KCNQ4: variants seen among roughly 807,000 people sequenced by gnomAD.
KCNQ4 encodes the protein potassium voltage-gated channel subfamily KQT member 4.
KCNQ4 carries 31 observed loss-of-function variants against 72.6 expected under a neutral mutation model. The observed-to-expected ratio is 0.43, with a 90% CI of 0.32 to 0.58. The LOEUF is 0.58. KCNQ4 is among the 20% of genes least tolerant of loss of function. The pLI is 0.08. For missense variants in KCNQ4, 869 were observed against 962.6 expected (o/e 0.90, Z 1.29); for synonymous variants, 405 against 403.7 (o/e 1.00, Z -0.04).
At chr1:40,838,237 G>T (rs1458410185) in intron 13 of KCNQ4, 74 bp from the exon 14 acceptor site, 1 of 1,314,590 alleles carries the variant, frequency 7.6e-7, no homozygotes, top group African/African-American at 1.5e-5. Context: ...GGTCCGCCCC[G>T]AGACCCAAGC....
At chr1:40,815,725 G>A (rs752668301) in intron 1 of KCNQ4, among the ~76,000 whole-genome samples, 4 of 151,974 alleles carry the variant, frequency 2.6e-5, no homozygotes, top group Non-Finnish European at 4.4e-5. Flanking sequence ...AAAAGGTCAG[G>A]AACCCCTGTC....
In KCNQ4 at chr1:40,838,647, G is replaced by C. The variant is rs747443467; in HGVS notation, c.*124G>C. The C allele has an allele frequency of 8.9e-6, 8 of 899,072 alleles. No homozygotes were observed. Among genetic ancestry groups the C allele is most frequent in the Non-Finnish European group, 1.1e-5 (6 of 556,792 alleles). 55.7% of individuals were successfully genotyped at this position (899,072 alleles called of 1,614,324 possible). On this transcript the variant is annotated 3_prime_UTR_variant, in exon 14 of 14. Transcript: ENST00000347132. ...TCCCTCACGGGGAGAGAGACCACAC[G>C]CAGTATTGAGCTGCCTGAGTGGGCG... is the stretch of plus-strand genomic sequence containing the variant.
chr1:40,818,395 C>T, intron 3 of KCNQ4, 105 bp downstream of exon 3: 2 of 1,567,380 alleles, frequency 1.3e-6, no homozygotes, highest in Non-Finnish European at 1.7e-6. Flanking sequence ...ACAGATTCAG[C>T]GGACCCTCCC....
At chr1:40,835,946 G>C (rs1038567323) in intron 12 of KCNQ4, among the ~76,000 whole-genome samples, 1 of 151,918 alleles carries the variant, frequency 6.6e-6, no homozygotes, top group Admixed American at 6.5e-5. Flanking sequence ...GAGGGCTAAC[G>C]GCACTCAGAG....
chr1:40,812,839 G>A (rs1394936121), intron 1 of KCNQ4, among the ~76,000 whole-genome samples: 1 of 152,168 alleles, frequency 6.6e-6, no homozygotes, highest in Non-Finnish European at 1.5e-5. Context: ...TTGATGTTTG[G>A]TTACAGTGAA....
intron 1 of KCNQ4, among the ~76,000 whole-genome samples, chr1:40,789,067 C>T (rs1451996681): frequency 6.6e-6 from 1 of 152,248 alleles, no homozygotes; most frequent in Admixed American, 6.5e-5. Context: ...TTTTGGCCTT[C>T]ACCTATACAC....
chr1:40,808,781 TCTC>T (rs71744718), intron 1 of KCNQ4, among the ~76,000 whole-genome samples: 2,996 of 152,192 alleles, frequency 0.02, 89 homozygotes, highest in African/African-American at 0.069. Context: ...ATCTTCAACT[TCTC>T]CTTCTTGATC....
chr1:40,838,023 A>G (rs1015046708), intron 13 of KCNQ4, among the ~76,000 whole-genome samples: 5 of 147,594 alleles, frequency 3.4e-5, no homozygotes, highest in African/African-American at 1.3e-4. Context: ...TAACCTTCAG[A>G]TAAGCCTACC....
intron 9 of KCNQ4, among the ~76,000 whole-genome samples, chr1:40,829,668 T>G (rs761748951): frequency 6.6e-6 from 1 of 151,832 alleles, no homozygotes; most frequent in African/African-American, 2.4e-5. Context: ...CCTCTGAGAG[T>G]AGGTGACACG....
At chr1:40,790,175 T>G (rs1647250943) in intron 1 of KCNQ4, among the ~76,000 whole-genome samples, 2 of 152,244 alleles carry the variant, frequency 1.3e-5, no homozygotes, top group African/African-American at 4.8e-5. Context: ...CAGTCGTGTG[T>G]CCTTGGGCAA....
chr1:40,834,014 A>C (rs1243600764), intron 11 of KCNQ4, among the ~76,000 whole-genome samples: 1 of 151,926 alleles, frequency 6.6e-6, no homozygotes, highest in East Asian at 1.9e-4. Flanking sequence ...GTCTCTAAAT[A>C]GATAAATAGA....
In KCNQ4 at chr1:40,819,415, T is replaced by G. The variant is rs4660468; in HGVS notation, c.777T>G (p.Ala259=). ...LIFASFLVYL[A]EKDANSDFSS... ...TCGCCTCCTTCCTGGTCTACCTGGCTGAGAAGGACGCCAACTCCGACTTCT... is the reference window on the plus strand; with the variant it reads ...TCGCCTCCTTCCTGGTCTACCTGGCGGAGAAGGACGCCAACTCCGACTTCT... Residue 259 remains alanine, a synonymous_variant, in exon 5 of 14, where the codon GCT becomes GCG. Transcript: ENST00000347132. 2 of 1,613,508 alleles carry G rather than the reference T, an allele frequency of 1.2e-6. No homozygotes were observed. The highest frequency in any genetic ancestry group is 4.5e-5 in the East Asian group (2 of 44,826).
intron 1 of KCNQ4, among the ~76,000 whole-genome samples, chr1:40,799,894 C>T (rs181078488): frequency 3.7e-4 from 56 of 152,302 alleles, no homozygotes; most frequent in African/African-American, 1.3e-3. Flanking sequence ...TTGAATGACA[C>T]CTGATACAGA....
intron 12 of KCNQ4, among the ~76,000 whole-genome samples, chr1:40,837,311 C>T (rs140803422): frequency 9.8e-5 from 15 of 152,290 alleles, no homozygotes; most frequent in African/African-American, 2.6e-4. Context: ...AAGTCTGTCT[C>T]GAATTCCTGG....
At chr1:40,789,576 C>A (rs1169511881) in intron 1 of KCNQ4, among the ~76,000 whole-genome samples, 3 of 152,116 alleles carry the variant, frequency 2.0e-5, no homozygotes, top group Non-Finnish European at 4.4e-5. Context: ...TCCTTTGCCT[C>A]CTTCTTCTGA....
At chr1:40,835,921 TAGG>T (rs1648794418) in intron 12 of KCNQ4, among the ~76,000 whole-genome samples, 1 of 151,104 alleles carries the variant, frequency 6.6e-6, no homozygotes, top group Admixed American at 6.6e-5. Flanking sequence ...GAGTGAGAGG[TAGG>T]AGGTGAGGTC....
chr1:40,817,847 C>T lies in KCNQ4; in HGVS notation c.406-317C>T, dbSNP rs554017191. On this transcript the variant is annotated intron_variant, in intron 2 of 13. Coordinates refer to ENST00000347132, the MANE Select transcript of KCNQ4 (RefSeq NM_004700.4). The surrounding 1 kb of genome is among the most constrained non-coding windows in gnomAD (Gnocchi z 5.5). ...CCCCTCAGAGGGAGACAGCTGACAG[C>T]CAGCAACCCCTTTTGTCACCAGGTC... Among the ~76,000 whole-genome samples the T allele has an allele frequency of 2.0e-5, 3 of 152,312 alleles. No individual in the cohort carries two copies. In the East Asian group the frequency reaches 5.8e-4, roughly 29 times the overall value.
intron 1 of KCNQ4, among the ~76,000 whole-genome samples, chr1:40,795,272 T>TTC (rs2148298900): frequency 6.6e-6 from 1 of 150,626 alleles, no homozygotes; most frequent in South Asian, 2.1e-4. Context: ...TTTTTTTTTT[T>TTC]TCCTTTTGAG....
intron 7 of KCNQ4, among the ~76,000 whole-genome samples, chr1:40,820,919 T>G (rs1648269681): frequency 6.6e-6 from 1 of 152,168 alleles, no homozygotes; most frequent in African/African-American, 2.4e-5. Flanking sequence ...CAGGGGTGTG[T>G]GTAAGGGAAC....
Sources: allele counts gnomAD v4.1 joint callset (sites outside exome capture counted in the v4.1 genomes callset), GRCh38; gene constraint gnomAD v4.1.1; non-coding constraint Gnocchi (gnomAD v3.1); transcripts MANE v1.5; gene names NCBI Gene and HGNC (gene_info 2026-07-23, HGNC 2026-07-21).